MYO18B: variants seen among roughly 807,000 people sequenced by gnomAD.
MYO18B encodes the protein myosin XVIIIB, also known as unconventional myosin-XVIIIb.
In MYO18B, 204 loss-of-function variants were observed where a neutral mutation model predicts 273.0. The ratio of observed to expected loss-of-function variants is 0.75; its 90% CI spans 0.67 to 0.84. The LOEUF (loss-of-function observed/expected upper bound fraction) is 0.84, where lower values mean the gene tolerates loss of function less well. Among genes scored for constraint, MYO18B ranks in the 40% least tolerant of loss-of-function variants. The pLI, the probability that MYO18B is intolerant of heterozygous loss-of-function variation, is 0.00. For synonymous variants in MYO18B, 1,330 were observed against 1,305.7 expected, an observed-to-expected ratio of 1.02 and a Z score of -0.40; for missense variants, 3,212 against 3,287.6, an observed-to-expected ratio of 0.98 and a Z score of 0.56.
In MYO18B at chr22:25,821,808, A is replaced by C. The variant is rs192044208; in HGVS notation, c.2522-1697A>C. ...AACAGAACAAAACAAAACAAACAAA[A>C]AAAAGAAGTCATTTATTTTTCTATG... On this transcript the variant is annotated intron_variant, in intron 12 of 43. Coordinates refer to ENST00000335473, the MANE Select transcript of MYO18B (RefSeq NM_032608.7). 2.1e-3 allele frequency among the ~76,000 whole-genome samples: 322 copies of C among 152,310 alleles called. 2 individuals carry two copies. Among genetic ancestry groups the C allele is most frequent in the South Asian group, 5.4e-3 (26 of 4,820 alleles).
Position 25,846,325 on chromosome 22 carries a change from C to T in MYO18B, c.3552+42C>T, listed in dbSNP as rs116102334. 2,500 of 1,596,024 alleles carry T rather than the reference C, an allele frequency of 1.6e-3. 36 individuals carry two copies. In the African/African-American group the frequency reaches 0.029, roughly 19 times the overall value. ...TCTCATGGTGTCCTGGCCTTCACTG[C>T]CTCCATCCTCATCTCCTCTGGGCTG... On this transcript the variant is annotated intron_variant, in intron 19 of 43. Transcript: ENST00000335473.
chr22:25,883,306 G>A lies in MYO18B; in HGVS notation c.4314+5258G>A, dbSNP rs2146232208. On this transcript the variant is annotated intron_variant, in intron 25 of 43. Transcript: ENST00000335473. This position sits in a 1 kb window ranked among gnomAD's most constrained non-coding sequence, Gnocchi z 7.6. ...GGAGGTTCTTGGTATGGGGGGTAGG[G>A]AGCCCTCCAGCCCCTAGGCAATCCT... 1 of 152,350 alleles carries A rather than the reference G, an allele frequency of 6.6e-6. No individual in the cohort carries two copies. Among genetic ancestry groups the A allele is most frequent in the African/African-American group, 2.4e-5 (1 of 41,570 alleles). 9.4% of individuals were successfully genotyped at this position (152,350 alleles called of 1,614,324 possible). A position where few individuals can be genotyped will look rare whatever the true frequency, so the allele number is the denominator to read the frequency against.
Position 25,950,428 on chromosome 22 carries a change from A to T in MYO18B, c.5810A>T (p.Glu1937Val). 1 of 1,607,518 alleles carries T rather than the reference A, an allele frequency of 6.2e-7. No homozygotes were observed. The highest frequency in any genetic ancestry group is 8.5e-7 in the Non-Finnish European group (1 of 1,176,876). Reference protein sequence around the residue: ...LQLQLEEAKKEKHKLQEQLQV... With the variant: ...LQLQLEEAKKVKHKLQEQLQV... Reference sequence around the variant, plus strand: ...CTGCAGCTGGAGGAAGCCAAGAAGGAGAAGCACAAGCTACAAGAACAAGTA... The same window carrying T: ...CTGCAGCTGGAGGAAGCCAAGAAGGTGAAGCACAAGCTACAAGAACAAGTA... The change falls in exon 37 of 44, where the codon GAG becomes GTG. Residue 1937 changes from glutamate to valine, a missense_variant. Glu to Val is a moderately radical substitution (Grantham distance 121). Transcript: ENST00000335473.
chr22:25,992,767 C>T (rs12168827), intron 40 of MYO18B, among the ~76,000 whole-genome samples: 2,310 of 152,322 alleles, frequency 0.015, 56 homozygotes, highest in African/African-American at 0.053. Context: ...TGGTCTTCTA[C>T]AAGTTCCATG....
chr22:25,854,345 G>A (rs1471145976), intron 21 of MYO18B, among the ~76,000 whole-genome samples: 2 of 152,140 alleles, frequency 1.3e-5, no homozygotes, highest in African/African-American at 4.8e-5. Flanking sequence ...AGAACCATGA[G>A]CTAAGACAGT....
chr22:25,875,931 C>A (rs1306514876), intron 23 of MYO18B, among the ~76,000 whole-genome samples: 1 of 151,366 alleles, frequency 6.6e-6, no homozygotes, highest in African/African-American at 2.4e-5. Context: ...TTTGGCCATG[C>A]AAGACTAAAT....
At chr22:25,984,099 C>T (rs1470908565) in intron 39 of MYO18B, among the ~76,000 whole-genome samples, 2 of 152,022 alleles carry the variant, frequency 1.3e-5, no homozygotes, top group Non-Finnish European at 2.9e-5. Flanking sequence ...GTACGTGCTA[C>T]CAATTTAGGT....
At chr22:25,763,421 C>T (rs768330370) in intron 3 of MYO18B, 32 bp downstream of exon 3, 28 of 1,588,528 alleles carry the variant, frequency 1.8e-5, no homozygotes, top group South Asian at 3.5e-5. Flanking sequence ...GGACCGTATG[C>T]GTTTCCATAC....
chr22:26,051,379 G>T, the MYO18B span, among the ~76,000 whole-genome samples: 5 of 151,770 alleles, frequency 3.3e-5, no homozygotes, highest in East Asian at 9.7e-4. Flanking sequence ...GCCCACCACC[G>T]CGCCCGGCTA....
chr22:25,888,682 A>C (rs1020966943), intron 25 of MYO18B, among the ~76,000 whole-genome samples: 1 of 152,232 alleles, frequency 6.6e-6, no homozygotes, highest in Admixed American at 6.5e-5. Context: ...ACACCCTAGG[A>C]GAGTCCCTCA....
chr22:25,769,311 ACCCAGC>A lies in MYO18B; in HGVS notation c.1397_1402del (p.Pro466_Ser467del). 1.3e-6 allele frequency: 2 copies of A among 1,578,908 alleles called. No individual in the cohort carries two copies. On this transcript the variant is annotated inframe_deletion, in exon 4 of 44. Coordinates refer to ENST00000335473, the MANE Select transcript of MYO18B (RefSeq NM_032608.7). ...GTGCCCTGGAGACAGAGCTGGAAGG[ACCCAGC>A]CAGCCTGCTCTGGAGAAGGATGCAG...
intron 12 of MYO18B, among the ~76,000 whole-genome samples, chr22:25,815,768 A>G (rs1217981777): frequency 6.6e-6 from 1 of 152,144 alleles, no homozygotes; most frequent in African/African-American, 2.4e-5. Flanking sequence ...GGTTCTGACA[A>G]GTCCTGCAAG....
intron 21 of MYO18B, among the ~76,000 whole-genome samples, chr22:25,864,075 G>A (rs546894744): frequency 6.6e-6 from 1 of 152,258 alleles, no homozygotes; most frequent in African/African-American, 2.4e-5. Flanking sequence ...TTTTTTCCAT[G>A]CTTTGCTCCA....
At chr22:25,836,124 G>C (rs1027159986) in intron 17 of MYO18B, among the ~76,000 whole-genome samples, 3 of 152,264 alleles carry the variant, frequency 2.0e-5, no homozygotes, top group Middle Eastern at 6.8e-3. Flanking sequence ...ATTGGTGGAA[G>C]GGGGAGCAAG....
At position 25,903,709 on chromosome 22, in the gene MYO18B, C is replaced by A; in HGVS notation, c.5026C>A (p.Pro1676Thr). 6.2e-7 allele frequency: 1 copy of A among 1,608,950 alleles called. No individual in the cohort carries two copies. The highest frequency in any genetic ancestry group is 8.5e-7 in the Non-Finnish European group (1 of 1,177,702). ...CCATAAACGGGAGCTGCTGGGGTCA[C>A]CCTCTCTGGGGGAAAATTGCGTTGC... is the stretch of plus-strand genomic sequence containing the variant. ...QDHKRELLGS[P>T]SLGENCVAGL... Residue 1676 changes from proline to threonine, a missense_variant, in exon 31 of 44, where the codon CCC becomes ACC. Physicochemically the swap from Pro to Thr is conservative, Grantham distance 38. Transcript: ENST00000335473.
rs1289571568 is a variant in MYO18B, at chr22:25,763,688, A to G, written c.198+299A>G. ...CTTATTTGATTATATGACTTATTTG[A>G]CTAGAAATTCCTTAAGAGCAACAAT... On this transcript the variant is annotated intron_variant, in intron 3 of 43. Coordinates refer to ENST00000335473, the MANE Select transcript of MYO18B (RefSeq NM_032608.7). 2.0e-5 allele frequency among the ~76,000 whole-genome samples: 3 copies of G among 152,284 alleles called. No individual in the cohort carries two copies. In the East Asian group the frequency reaches 5.8e-4, roughly 29 times the overall value.
At chr22:26,057,830 G>A in the MYO18B span, among the ~76,000 whole-genome samples, 2 of 152,180 alleles carry the variant, frequency 1.3e-5, no homozygotes, top group South Asian at 4.2e-4. Context: ...AAAATTCTGG[G>A]TCCTGAGCTC....
chr22:25,998,960 A>C (rs1227775703), intron 40 of MYO18B, among the ~76,000 whole-genome samples: 1 of 152,174 alleles, frequency 6.6e-6, no homozygotes, highest in Non-Finnish European at 1.5e-5. Flanking sequence ...CAGGGCTCCA[A>C]ACTACTTTGT....
chr22:25,847,998 G>A (rs994321706), intron 20 of MYO18B, among the ~76,000 whole-genome samples: 10 of 151,608 alleles, frequency 6.6e-5, no homozygotes, highest in Admixed American at 2.6e-4. Flanking sequence ...TGTACAGCAC[G>A]TGCAGGTTTG....
Sources: gnomAD v4.1 joint callset for allele counts (sites outside exome capture counted in the v4.1 genomes callset) on GRCh38, gnomAD v4.1.1 for gene constraint, Gnocchi (gnomAD v3.1) non-coding constraint, MANE v1.5 for transcripts, NCBI Gene and HGNC (gene_info 2026-07-23, HGNC 2026-07-21) for gene names.